The following KRR1 variants were observed in gnomAD, a reference collection of about 807,000 sequenced individuals.
KRR1 encodes KRR1 small subunit processome component.
In KRR1, 23 loss-of-function variants were observed where a neutral mutation model predicts 50.0. The observed-to-expected ratio is 0.46, with a 90% CI of 0.33 to 0.65. The LOEUF is 0.65. KRR1 is among the 30% of genes least tolerant of loss of function. The probability of loss-of-function intolerance (pLI) is 0.02; values close to 1 mark genes in which losing one functional copy is unlikely to be tolerated. For synonymous variants in KRR1, 133 were observed against 146.3 expected (o/e 0.91, Z 0.66); for missense variants, 419 against 442.4 (o/e 0.95, Z 0.47).
Position 75,495,431 on chromosome 12 carries a change from C to T in KRR1, c.*4378G>A. 1 of 572,962 alleles carries T rather than the reference C, an allele frequency of 1.7e-6. No homozygotes were observed. The highest frequency in any genetic ancestry group is 3.2e-6 in the Non-Finnish European group (1 of 311,296). The allele number at this position is 572,962 out of a possible 1,614,324, so 35.5% of individuals were successfully genotyped here. A position where few individuals can be genotyped will look rare whatever the true frequency, so the allele number is the denominator to read the frequency against. On this transcript the variant is annotated 3_prime_UTR_variant, in exon 10 of 10. Transcript: ENST00000229214. Reference sequence around the variant, plus strand: ...AAATATTAGCAGCCTTCCATTTCTGCCTTCCTGTCTTCACTTCTATTACCA... The same window carrying T: ...AAATATTAGCAGCCTTCCATTTCTGTCTTCCTGTCTTCACTTCTATTACCA...
At chr12:75,503,782 G>GCACA in intron 7 of KRR1, 122 bp downstream of exon 7, 1 of 841,630 alleles carries the variant, frequency 1.2e-6, no homozygotes, top group Non-Finnish European at 1.8e-6. Context: ...TTATAGCTCT[G>GCACA]CACACACACA....
intron 6 of KRR1, among the ~76,000 whole-genome samples, chr12:75,504,963 T>C (rs1174639800): frequency 6.6e-6 from 1 of 152,054 alleles, no homozygotes; most frequent in Admixed American, 6.6e-5. Flanking sequence ...TATAACATAT[T>C]ACAGTATCCC....
At position 75,497,811 on chromosome 12, in the gene KRR1, T is replaced by G. The variant is rs2120570722; in HGVS notation, c.*1998A>C. 1 of 152,320 alleles carries G rather than the reference T, an allele frequency of 6.6e-6. No individual in the cohort carries two copies. The highest frequency in any genetic ancestry group is 2.4e-5 in the African/African-American group (1 of 41,566). 9.4% of individuals were successfully genotyped at this position (152,320 alleles called of 1,614,324 possible). ...TGTTTTACAAAATGTGCTGGGCATA[T>G]TAGTGGTACATAAGATGATTTTAGC... On this transcript the variant is annotated 3_prime_UTR_variant, in exon 10 of 10. Transcript: ENST00000229214.
chr12:75,506,166 G>C (rs2046420623), intron 5 of KRR1, 150 bp downstream of exon 5: 1 of 566,516 alleles, frequency 1.8e-6, no homozygotes, highest in East Asian at 3.1e-5. Flanking sequence ...TGATTCCCTT[G>C]AATTATATGA....
intron 2 of KRR1, among the ~76,000 whole-genome samples, chr12:75,507,259 C>G (rs917401616): frequency 1.3e-5 from 2 of 152,150 alleles, no homozygotes; most frequent in African/African-American, 4.8e-5. Context: ...TACAGCTTCC[C>G]TATTCTGGAC....
chr12:75,510,116 C>T (rs561202625), intron 1 of KRR1, among the ~76,000 whole-genome samples: 26 of 152,034 alleles, frequency 1.7e-4, no homozygotes, highest in Non-Finnish European at 2.6e-4. Flanking sequence ...TCATAACTAC[C>T]AAAATGACAG....
rs2046371599 is a variant in KRR1 at position 75,499,052 on chromosome 12, A to T, written c.*757T>A. Reference sequence around the variant, plus strand: ...GCTTTTTTTTTAACCAATAACAATTAGGTGTACTTCTATTTTAAAACATTT... The same window carrying T: ...GCTTTTTTTTTAACCAATAACAATTTGGTGTACTTCTATTTTAAAACATTT... On this transcript the variant is annotated 3_prime_UTR_variant, in exon 10 of 10. Transcript: ENST00000229214. 1 of 908,674 alleles carries T rather than the reference A, an allele frequency of 1.1e-6. No individual in the cohort carries two copies. The highest frequency in any genetic ancestry group is 2.7e-5 in the Admixed American group (1 of 36,946). 56.3% of individuals were successfully genotyped at this position (908,674 alleles called of 1,614,324 possible). A position where few individuals can be genotyped will look rare whatever the true frequency, so the allele number is the denominator to read the frequency against.
chr12:75,508,637 A>G (rs1273177850), intron 1 of KRR1, among the ~76,000 whole-genome samples, 191 bp from the exon 2 acceptor site: 3 of 152,176 alleles, frequency 2.0e-5, no homozygotes, highest in African/African-American at 7.2e-5. Context: ...CTCTGTCATT[A>G]TCATCAATTC....
rs2046340959 is a variant in KRR1, at chr12:75,494,789, A to T, written c.*5020T>A. ...TACTACTATGAGGATATTTATGGGG[A>T]TATAAAATGCTTGGATATTATTTCA... On this transcript the variant is annotated 3_prime_UTR_variant, in exon 10 of 10. Transcript: ENST00000229214. 6.6e-6 allele frequency: 1 copy of T among 152,214 alleles called. No individual in the cohort carries two copies. The highest frequency in any genetic ancestry group is 1.5e-5 in the Non-Finnish European group (1 of 68,036). The allele number at this position is 152,214 out of a possible 1,614,324, so 9.4% of individuals were successfully genotyped here.
chr12:75,507,415 T>TA (rs1324324888), intron 2 of KRR1, among the ~76,000 whole-genome samples: 5 of 152,166 alleles, frequency 3.3e-5, no homozygotes, highest in Non-Finnish European at 7.4e-5. Flanking sequence ...ACTTAAGCAT[T>TA]AACTTTCAAC....
In KRR1 at chr12:75,493,060, CCA is replaced by C. The variant is rs1212762383; in HGVS notation, c.*6747_*6748del. The C allele has an allele frequency of 6.6e-6, 1 of 152,148 alleles. No individual in the cohort carries two copies. Among genetic ancestry groups the C allele is most frequent in the African/African-American group, 2.4e-5 (1 of 41,420 alleles). 9.4% of individuals were successfully genotyped at this position (152,148 alleles called of 1,614,324 possible). ...TGAAGAAAAGTTTGGCAAGTTTAAACCACAGAGACTGGTGCCCTCGGTCTGCT... is the reference window on the plus strand; with the variant it reads ...TGAAGAAAAGTTTGGCAAGTTTAAACCAGAGACTGGTGCCCTCGGTCTGCT... On this transcript the variant is annotated 3_prime_UTR_variant, in exon 10 of 10. Coordinates refer to ENST00000229214, the MANE Select transcript of KRR1 (RefSeq NM_007043.7).
chr12:75,503,785 C>T (rs2046409745), intron 7 of KRR1, 119 bp downstream of exon 7: 7 of 894,870 alleles, frequency 7.8e-6, no homozygotes, highest in African/African-American at 3.4e-5. Context: ...TAGCTCTGCA[C>T]ACACACACAC....
chr12:75,506,631 A>AG (rs562964328), intron 3 of KRR1, 22 bp from the exon 4 acceptor site: 45 of 1,550,262 alleles, frequency 2.9e-5, no homozygotes, highest in Non-Finnish European at 3.4e-5. Flanking sequence ...AAAAAAAAAA[A>AG]AAGAAGACAT....
At position 75,506,616 on chromosome 12, in the gene KRR1, C is replaced by CAAAGAAAA; in HGVS notation, c.394-8_394-7insTTTTCTTT. On this transcript the variant is annotated splice_polypyrimidine_tract_variant and splice_region_variant and intron_variant, in intron 3 of 9. Transcript: ENST00000229214. ...CCTGAAGAATTCGTACTGCCTTTTG[C>CAAAGAAAA]AAAAAAAAAAAAAAAAAGAAGACAT... 1 of 1,368,352 alleles carries CAAAGAAAA rather than the reference C, an allele frequency of 7.3e-7. No individual in the cohort carries two copies. The highest frequency in any genetic ancestry group is 9.5e-7 in the Non-Finnish European group (1 of 1,053,538). The allele number at this position is 1,368,352 out of a possible 1,614,324, so 84.8% of individuals were successfully genotyped here.
intron 2 of KRR1, among the ~76,000 whole-genome samples, chr12:75,507,167 T>C (rs1458548046): frequency 7.9e-5 from 12 of 152,188 alleles, no homozygotes; most frequent in East Asian, 1.9e-4. Context: ...CACTGGAATA[T>C]AGATTGCCTC....
chr12:75,510,241 T>C (rs984424930), intron 1 of KRR1, among the ~76,000 whole-genome samples: 1 of 152,136 alleles, frequency 6.6e-6, no homozygotes, highest in African/African-American at 2.4e-5. Flanking sequence ...TTAGCATTAC[T>C]TACACACACC....
At chr12:75,500,011 A>G (rs1002205769) in intron 9 of KRR1, 60 bp from the exon 10 acceptor site, 1 of 1,328,658 alleles carries the variant, frequency 7.5e-7, no homozygotes, top group Non-Finnish European at 1.0e-6. Flanking sequence ...TAAAACAAAG[A>G]ATATATGTTT....
intron 2 of KRR1, among the ~76,000 whole-genome samples, chr12:75,507,217 T>TAA (rs1366431287): frequency 2.0e-5 from 3 of 152,160 alleles, no homozygotes; most frequent in Non-Finnish European, 4.4e-5. Flanking sequence ...AGGTCATACT[T>TAA]AAAATCTGAC....
rs766222607 is a variant in KRR1, at chr12:75,499,877, C to G, written c.1078G>C (p.Ala360Pro). The change falls in exon 10 of 10, where the codon GCT becomes CCT. Residue 360 changes from alanine to proline, a missense_variant. Transcript: ENST00000229214. ...VKKAKNKKLG[A>P]LTAEEIALKM... ...AGTGCAATTTCTTCAGCTGTAAGAGCTCCCAGTTTCTTATTCTTTGCTTTC... is the reference window on the plus strand; with the variant it reads ...AGTGCAATTTCTTCAGCTGTAAGAGGTCCCAGTTTCTTATTCTTTGCTTTC... The G allele has an allele frequency of 2.5e-6, 4 of 1,608,656 alleles. No homozygotes were observed. The African/African-American group carries it at 4.0e-5, about 16-fold the overall frequency.
Sources: allele counts gnomAD v4.1 joint callset (sites outside exome capture counted in the v4.1 genomes callset), GRCh38; gene constraint gnomAD v4.1.1; transcripts MANE v1.5; gene names NCBI Gene and HGNC (gene_info 2026-07-23, HGNC 2026-07-21).